The following GSPT2 variants were observed in gnomAD, a reference collection of about 807,000 sequenced individuals.
GSPT2 encodes G1 to S phase transition 2.
In GSPT2, 2 loss-of-function variants were observed where a neutral mutation model predicts 24.6. The observed-to-expected ratio is 0.08, with a 90% confidence interval of 0.03 to 0.26. The LOEUF (loss-of-function observed/expected upper bound fraction) is 0.26. Among genes scored for constraint, GSPT2 ranks in the 10% least tolerant of loss-of-function variants. GSPT2 has a pLI of 1.00. For synonymous variants in GSPT2, 194 were observed against 189.3 expected, an observed-to-expected ratio of 1.02 and a Z score of -0.20; for missense variants, 322 against 489.6, an observed-to-expected ratio of 0.66 and a Z score of 3.23.
At position 51,745,418 on chromosome X, in the gene GSPT2, A is replaced by C; in HGVS notation, c.1792A>C (p.Lys598Gln). Residue 598 changes from lysine to glutamine, a missense_variant, in exon 1 of 1, where the codon AAA (lysine) becomes CAA (glutamine). Coordinates refer to ENST00000340438, the MANE Select transcript of GSPT2 (RefSeq NM_018094.5). The stretch of plus-strand genomic sequence containing the variant: ...AGGAACCATCTGCCTCGAGACGTTC[A>C]AAGATTTTCCTCAGATGGGTCGTTT... ...TAGTICLETF[K>Q]DFPQMGRFTL... 1 of 1,207,741 alleles carries C rather than the reference A, an allele frequency of 8.3e-7. No homozygotes were observed. The highest frequency in any genetic ancestry group is 1.1e-6 in the Non-Finnish European group (1 of 891,757).
At position 51,746,100 on chromosome X, in the gene GSPT2, G is replaced by T. The variant is rs1923988555; in HGVS notation, c.*587G>T. On this transcript the variant is annotated 3_prime_UTR_variant, in exon 1 of 1. Coordinates refer to ENST00000340438, the MANE Select transcript of GSPT2 (RefSeq NM_018094.5). ...TGAGGAATTTACAAACAATGCATAA[G>T]TGTGTATTAAAGGAATAATTTTAAT... 1.6e-5 allele frequency: 2 copies of T among 123,948 alleles called. No homozygotes were observed. The highest frequency in any genetic ancestry group is 6.5e-5 in the African/African-American group (2 of 30,947). 10.2% of individuals were successfully genotyped at this position (123,948 alleles called of 1,213,427 possible). A position where few individuals can be genotyped will look rare whatever the true frequency, so the allele number is the denominator to read the frequency against.
chrX:51,744,917 A>G lies in GSPT2; in HGVS notation c.1291A>G (p.Ile431Val). 3 of 1,204,563 alleles carry G rather than the reference A, an allele frequency of 2.5e-6. No homozygotes were observed. The highest frequency in any genetic ancestry group is 2.3e-4 in the Middle Eastern group (1 of 4,345). ...PNFNRSIDGP[I>V]RLPIVDKYKD... ...CTTCAACAGATCAATTGATGGACCA[A>G]TAAGACTGCCAATTGTGGATAAGTA... Residue 431 changes from isoleucine (I) to valine (V), a missense_variant, in exon 1 of 1, where the codon ATA becomes GTA. By Grantham distance (29) the Ile-to-Val change is conservative. Around this residue, in one of 4 missense-constraint regions of GSPT2, gnomAD observed 117 missense variants for 204.1 expected, o/e 0.57. Coordinates refer to ENST00000340438, the MANE Select transcript of GSPT2 (RefSeq NM_018094.5).
chrX:51,744,364 CAG>C lies in GSPT2; in HGVS notation c.742_743del (p.Glu248AsnfsTer19). 8.3e-7 allele frequency: 1 copy of C among 1,211,276 alleles called. No individual in the cohort carries two copies. Among genetic ancestry groups the C allele is most frequent in the Non-Finnish European group, 1.1e-6 (1 of 895,152 alleles). Reference protein sequence around the residue: ...KYEREAKEKNRETWYLSWALD... With the variant: ...KYEREAKEKNXETWYLSWALD... ...ATGAAAGAGAAGCTAAGGAAAAAAA[CAG>C]AGAAACCTGGTATTTGTCCTGGGCC... On this transcript the variant is annotated frameshift_variant, in exon 1 of 1. Coordinates refer to ENST00000340438, the MANE Select transcript of GSPT2 (RefSeq NM_018094.5). LOFTEE classifies it high-confidence loss of function.
rs1557348773 is a variant in GSPT2 at position 51,743,704 on chromosome X, C to T, written c.78C>T (p.Ala26=). 1 of 1,209,846 alleles carries T rather than the reference C, an allele frequency of 8.3e-7. No individual in the cohort carries two copies. Among genetic ancestry groups the T allele is most frequent in the African/African-American group, 1.7e-5 (1 of 57,892 alleles). ...DQVDMESPGS[A]PSGDGVSSAV... ...TGGACATGGAATCCCCGGGGTCGGC[C>T]CCGAGCGGGGATGGAGTCTCCTCTG... Residue 26 remains alanine (A), a synonymous_variant, in exon 1 of 1, where the codon GCC becomes GCT. Transcript: ENST00000340438.
chrX:51,744,277 A>C lies in GSPT2; in HGVS notation c.651A>C (p.Ser217=). 2 of 1,211,302 alleles carry C rather than the reference A, an allele frequency of 1.7e-6. No individual in the cohort carries two copies. The highest frequency in any genetic ancestry group is 2.2e-6 in the Non-Finnish European group (2 of 895,041). Residue 217 remains serine, a synonymous_variant, in exon 1 of 1, where the codon TCA becomes TCC. Coordinates refer to ENST00000340438, the MANE Select transcript of GSPT2 (RefSeq NM_018094.5). ...TTGGCCATGTAGACGCTGGCAAGTCAACCATCGGAGGACAGATAATGTTTT... is the reference window on the plus strand; with the variant it reads ...TTGGCCATGTAGACGCTGGCAAGTCCACCATCGGAGGACAGATAATGTTTT... ...VFIGHVDAGK[S]TIGGQIMFLT...
chrX:51,743,655 C>G lies in GSPT2; in HGVS notation c.29C>G (p.Ser10Trp), dbSNP rs1204403683. 8.3e-7 allele frequency: 1 copy of G among 1,199,936 alleles called. No homozygotes were observed. Among genetic ancestry groups the G allele is most frequent in the Non-Finnish European group, 1.1e-6 (1 of 890,277 alleles). The change falls in exon 1 of 1, where the codon TCG becomes TGG. Residue 10 changes from serine (S) to tryptophan (W), a missense_variant. By Grantham distance (177) the Ser-to-Trp change is radical. Transcript: ENST00000340438. The stretch of plus-strand genomic sequence containing the variant: ...GATTCGGGCAGCAGCAGCAGCGACT[C>G]GGCGCCCGATTGCTGGGACCAGGTG... MDSGSSSSD[S>W]APDCWDQVDM...
Position 51,744,644 on chromosome X carries a change from G to A in GSPT2, c.1018G>A (p.Gly340Arg). The change falls in exon 1 of 1, where the codon GGG becomes AGG. Residue 340 changes from glycine (G) to arginine (R), a missense_variant. By Grantham distance (125) the Gly-to-Arg change is moderately radical. Transcript: ENST00000340438. Reference sequence around the variant, plus strand: ...ACATGCGATGTTGGCAAAAACGGCAGGGGTAAAACATTTAATAGTGCTTAT... The same window carrying A: ...ACATGCGATGTTGGCAAAAACGGCAAGGGTAAAACATTTAATAGTGCTTAT... ...REHAMLAKTA[G>R]VKHLIVLINK... The A allele has an allele frequency of 8.3e-7, 1 of 1,211,147 alleles. No homozygotes were observed. The highest frequency in any genetic ancestry group is 1.7e-5 in the African/African-American group (1 of 57,741).
In GSPT2 at chrX:51,745,764, T is replaced by A. The variant is rs1557349053; in HGVS notation, c.*251T>A. The A allele has an allele frequency of 2.8e-6, 1 of 351,887 alleles. No homozygotes were observed. The highest frequency in any genetic ancestry group is 5.0e-6 in the Non-Finnish European group (1 of 199,435). The allele number at this position is 351,887 out of a possible 1,213,427, so 29.0% of individuals were successfully genotyped here. A position where few individuals can be genotyped will look rare whatever the true frequency, so the allele number is the denominator to read the frequency against. The stretch of plus-strand genomic sequence containing the variant: ...ACAATATCAGTAATAGCTTTGTAAG[T>A]GATGTGGACGTAATTGCCTACAGTA... On this transcript the variant is annotated 3_prime_UTR_variant, in exon 1 of 1. Coordinates refer to ENST00000340438, the MANE Select transcript of GSPT2 (RefSeq NM_018094.5).
In GSPT2 at chrX:51,743,721, T is replaced by A. The variant is rs148818647; in HGVS notation, c.95T>A (p.Val32Asp). ...GGGTCGGCCCCGAGCGGGGATGGAG[T>A]CTCCTCTGCGGTGGCCGAGGCCCAG... Reference protein sequence around the residue: ...SPGSAPSGDGVSSAVAEAQRE... With the variant: ...SPGSAPSGDGDSSAVAEAQRE... Residue 32 changes from valine (V) to aspartate (D), a missense_variant, in exon 1 of 1, where the codon GTC (valine) becomes GAC (aspartate). By Grantham distance (152) the Val-to-Asp change is radical (BLOSUM62 -3). Transcript: ENST00000340438. 9 of 1,208,765 alleles carry A rather than the reference T, an allele frequency of 7.4e-6. No individual in the cohort carries two copies. The highest frequency in any genetic ancestry group is 6.7e-6 in the Non-Finnish European group (6 of 894,045).
Position 51,744,318 on chromosome X carries a change from A to T in GSPT2, c.692A>T (p.Asp231Val), listed in dbSNP as rs782497261. 8.3e-7 allele frequency: 1 copy of T among 1,210,385 alleles called. No homozygotes were observed. The highest frequency in any genetic ancestry group is 1.8e-5 in the South Asian group (1 of 56,895). Residue 231 changes from aspartate (D) to valine (V), a missense_variant, in exon 1 of 1, where the codon GAC becomes GTC. Asp to Val is a radical substitution (Grantham distance 152, BLOSUM62 -3). This residue lies in a region of GSPT2 where 72 missense variants were observed against 121.5 expected (regional missense o/e 0.59). Coordinates refer to ENST00000340438, the MANE Select transcript of GSPT2 (RefSeq NM_018094.5). ...GQIMFLTGMV[D>V]KRTLEKYERE... is the part of the protein sequence containing the mutation. ...ATAATGTTTTTGACTGGAATGGTTG[A>T]CAAAAGAACACTGGAGAAATATGAA...
chrX:51,745,225 C>T lies in GSPT2; in HGVS notation c.1599C>T (p.Ser533=), dbSNP rs375119529. 4.2e-5 allele frequency: 51 copies of T among 1,208,077 alleles called. No individual in the cohort carries two copies. The highest frequency in any genetic ancestry group is 1.3e-4 in the Admixed American group (6 of 45,712). Residue 533 remains serine, a synonymous_variant, in exon 1 of 1, where the codon TCC becomes TCT. Coordinates refer to ENST00000340438, the MANE Select transcript of GSPT2 (RefSeq NM_018094.5). Reference sequence around the variant, plus strand: ...AGATAGTGATTATTGAGCACAAATCCATCATCTGCCCAGGTTATAATGCGG... The same window carrying T: ...AGATAGTGATTATTGAGCACAAATCTATCATCTGCCCAGGTTATAATGCGG... ...DVQIVIIEHK[S]IICPGYNAVL...
In GSPT2 at chrX:51,744,219, CA is replaced by C; in HGVS notation, c.594del (p.Pro199LeufsTer6). 1 of 1,208,388 alleles carries C rather than the reference CA, an allele frequency of 8.3e-7. No homozygotes were observed. Among genetic ancestry groups the C allele is most frequent in the Non-Finnish European group, 1.1e-6 (1 of 892,917 alleles). ...AAATCTGTGATCGTACCCTCAGGTG[CA>C]CCTAAGAAAGAACACGTAAATGTAG... The part of the protein sequence containing the change: ...KSKSVIVPSG[A>X]PKKEHVNVVF... On this transcript the variant is annotated frameshift_variant, in exon 1 of 1. Coordinates refer to ENST00000340438, the MANE Select transcript of GSPT2 (RefSeq NM_018094.5). LOFTEE classifies it high-confidence loss of function.
chrX:51,744,001 T>TG lies in GSPT2; in HGVS notation c.375_376insG (p.Ser126ValfsTer29). On this transcript the variant is annotated frameshift_variant, in exon 1 of 1. Coordinates refer to ENST00000340438, the MANE Select transcript of GSPT2 (RefSeq NM_018094.5). LOFTEE classifies it high-confidence loss of function. The stretch of plus-strand genomic sequence containing the variant: ...CGTTAGTGTCGCTTGAAGGTTCCAA[T>TG]TCAGCCGTTACCATGGAACTTTCAG... 5 of 1,209,678 alleles carry TG rather than the reference T, an allele frequency of 4.1e-6. No individual in the cohort carries two copies. Among genetic ancestry groups the TG allele is most frequent in the Non-Finnish European group, 5.6e-6 (5 of 894,506 alleles).
chrX:51,744,812 G>A lies in GSPT2; in HGVS notation c.1186G>A (p.Ala396Thr). The A allele has an allele frequency of 4.1e-6, 5 of 1,207,543 alleles. No homozygotes were observed. The highest frequency in any genetic ancestry group is 5.6e-6 in the Non-Finnish European group (5 of 891,695). Residue 396 changes from alanine to threonine, a missense_variant, in exon 1 of 1, where the codon GCA becomes ACA. Physicochemically the swap from Ala to Thr is moderately conservative, Grantham distance 58. Coordinates refer to ENST00000340438, the MANE Select transcript of GSPT2 (RefSeq NM_018094.5). ...HFMPCSGLTGANIKEQSDFCP... is the reference protein window; with the variant it reads ...HFMPCSGLTGTNIKEQSDFCP... ...TATGCCCTGCTCAGGACTGACCGGA[G>A]CAAATATTAAAGAGCAGTCAGATTT...
chrX:51,745,469 A>G lies in GSPT2; in HGVS notation c.1843A>G (p.Ile615Val), dbSNP rs1923973611. ...TACTTTAAGAGATGAGGGTAAGACC[A>G]TTGCAATTGGAAAAGTTCTGAAATT... ...RFTLRDEGKTIAIGKVLKLVP... is the reference protein window; with the variant it reads ...RFTLRDEGKTVAIGKVLKLVP... The change falls in exon 1 of 1, where the codon ATT becomes GTT. Residue 615 changes from isoleucine to valine, a missense_variant. Physicochemically the swap from Ile to Val is conservative, Grantham distance 29 (BLOSUM62 3). Coordinates refer to ENST00000340438, the MANE Select transcript of GSPT2 (RefSeq NM_018094.5). 8.3e-7 allele frequency: 1 copy of G among 1,206,650 alleles called. No individual in the cohort carries two copies. Among genetic ancestry groups the G allele is most frequent in the Non-Finnish European group, 1.1e-6 (1 of 891,607 alleles).
At position 51,745,423 on chromosome X, in the gene GSPT2, T is replaced by C. The variant is rs782462175; in HGVS notation, c.1797T>C (p.Asp599=). Residue 599 remains aspartate, a synonymous_variant, in exon 1 of 1, where the codon GAT becomes GAC. Transcript: ENST00000340438. The part of the protein sequence containing the change: ...AGTICLETFK[D]FPQMGRFTLR... Reference sequence around the variant, plus strand: ...CCATCTGCCTCGAGACGTTCAAAGATTTTCCTCAGATGGGTCGTTTTACTT... The same window carrying C: ...CCATCTGCCTCGAGACGTTCAAAGACTTTCCTCAGATGGGTCGTTTTACTT... 2 of 1,207,355 alleles carry C rather than the reference T, an allele frequency of 1.7e-6. No homozygotes were observed. The highest frequency in any genetic ancestry group is 1.1e-6 in the Non-Finnish European group (1 of 891,616).
In GSPT2 at chrX:51,743,754, C is replaced by T. The variant is rs782453465; in HGVS notation, c.128C>T (p.Pro43Leu). 9.1e-6 allele frequency: 11 copies of T among 1,210,038 alleles called. No individual in the cohort carries two copies. Among genetic ancestry groups the T allele is most frequent in the Non-Finnish European group, 1.2e-5 (11 of 894,995 alleles). Reference protein sequence around the residue: ...SSAVAEAQREPLSSAFSRKLN... With the variant: ...SSAVAEAQRELLSSAFSRKLN... Reference sequence around the variant, plus strand: ...GCGGTGGCCGAGGCCCAGCGCGAGCCCCTCAGCTCGGCTTTCAGCCGTAAG... The same window carrying T: ...GCGGTGGCCGAGGCCCAGCGCGAGCTCCTCAGCTCGGCTTTCAGCCGTAAG... Residue 43 changes from proline to leucine, a missense_variant, in exon 1 of 1, where the codon CCC becomes CTC. Pro to Leu is a moderately conservative substitution (Grantham distance 98, BLOSUM62 -3). This residue lies in a region of GSPT2 where 125 missense variants were observed against 121.3 expected (regional missense o/e 1.03). Transcript: ENST00000340438.
chrX:51,744,186 G>A lies in GSPT2; in HGVS notation c.560G>A (p.Arg187Lys). Residue 187 changes from arginine to lysine, a missense_variant, in exon 1 of 1, where the codon AGA becomes AAA. Transcript: ENST00000340438. ...ATGATGGAGGAAAAAGAGGAAATAA[G>A]AAAATCCAAATCTGTGATCGTACCC... The part of the protein sequence containing the change: ...QEMMEEKEEI[R>K]KSKSVIVPSG... 1 of 1,209,143 alleles carries A rather than the reference G, an allele frequency of 8.3e-7. No homozygotes were observed. The highest frequency in any genetic ancestry group is 1.1e-6 in the Non-Finnish European group (1 of 894,020).
Position 51,744,482 on chromosome X carries a change from T to C in GSPT2, c.856T>C (p.Leu286=), listed in dbSNP as rs1923958087. 8.3e-7 allele frequency: 1 copy of C among 1,211,463 alleles called. No individual in the cohort carries two copies. Among genetic ancestry groups the C allele is most frequent in the East Asian group, 3.0e-5 (1 of 33,826 alleles). The change falls in exon 1 of 1, where the codon TTA becomes CTA. Residue 286 remains leucine (L), a synonymous_variant. Coordinates refer to ENST00000340438, the MANE Select transcript of GSPT2 (RefSeq NM_018094.5). ...AACAGAAAGGAAACATTTCACAATT[T>C]TAGATGCCCCTGGCCACAAGAGTTT... ...FETERKHFTI[L]DAPGHKSFVP... is the part of the protein sequence containing the mutation.
Sources: gnomAD v4.1 joint callset for allele counts on GRCh38, gnomAD v4.1.1 for gene constraint, gnomAD v4.1.1 regional missense constraint, MANE v1.5 for transcripts, NCBI Gene and HGNC (gene_info 2026-07-23, HGNC 2026-07-21) for gene names.